Variants in CCBE1 observed in about 807,000 individuals in gnomAD.
CCBE1 encodes the protein collagen and calcium-binding EGF domain-containing protein 1.
CCBE1 carries 37 observed loss-of-function variants against 50.0 expected under a neutral mutation model. The observed-to-expected ratio is 0.74, with a 90% CI of 0.57 to 0.97. The LOEUF (loss-of-function observed/expected upper bound fraction) is 0.97, where lower values mean the gene tolerates loss of function less well. Ranked by LOEUF, CCBE1 falls within the 50% of genes least tolerant of loss-of-function variation. The pLI, the probability that CCBE1 is intolerant of heterozygous loss-of-function variation, is 0.00. For missense variants in CCBE1, 538 were observed against 523.8 expected, an observed-to-expected ratio of 1.03 and a Z score of -0.26; for synonymous variants, 234 against 203.7, an observed-to-expected ratio of 1.15 and a Z score of -1.27.
intron 2 of CCBE1, among the ~76,000 whole-genome samples, chr18:59,635,462 T>TA (rs1568245608): frequency 7.1e-6 from 1 of 141,146 alleles, no homozygotes; most frequent in East Asian, 2.2e-4. Context: ...AGAAATTTTT[T>TA]AAAAATAAAC....
intron 2 of CCBE1, among the ~76,000 whole-genome samples, chr18:59,696,054 C>T (rs951942841): frequency 6.6e-6 from 1 of 152,184 alleles, no homozygotes; most frequent in African/African-American, 2.4e-5. Flanking sequence ...AACAAGCACC[C>T]GGGTCACTCA....
chr18:59,536,725 G>A (rs985182126), intron 2 of CCBE1, among the ~76,000 whole-genome samples: 2 of 152,128 alleles, frequency 1.3e-5, no homozygotes, highest in African/African-American at 4.8e-5. Context: ...CGCAATGGCT[G>A]ACATCTGTAA....
At position 59,440,187 on chromosome 18, in the gene CCBE1, T is replaced by C. The variant is rs138739155; in HGVS notation, c.776-371A>G. 3.3e-3 allele frequency among the ~76,000 whole-genome samples: 506 copies of C among 152,314 alleles called. 1 individual carries two copies. Among genetic ancestry groups the C allele is most frequent in the African/African-American group, 0.012 (484 of 41,570 alleles). On this transcript the variant is annotated intron_variant, in intron 7 of 10. Coordinates refer to ENST00000439986, the MANE Select transcript of CCBE1 (RefSeq NM_133459.4). ...TATCCACTGGATCACAGCAGAGTAG[T>C]GGCCACCACCACAGAGAAGTGGTGA...
intron 5 of CCBE1, among the ~76,000 whole-genome samples, chr18:59,463,185 C>A (rs1034144055): frequency 6.6e-6 from 1 of 152,200 alleles, no homozygotes; most frequent in African/African-American, 2.4e-5. Context: ...CCTTTCCCAC[C>A]CTAGCCTGCC....
intron 7 of CCBE1, among the ~76,000 whole-genome samples, chr18:59,440,661 C>T (rs1359963793): frequency 1.3e-5 from 2 of 152,244 alleles, no homozygotes; most frequent in East Asian, 3.9e-4. Flanking sequence ...TCCCTTACTT[C>T]TTAGTGAGGG....
intron 2 of CCBE1, among the ~76,000 whole-genome samples, chr18:59,529,693 C>T (rs1005098167): frequency 3.3e-5 from 5 of 152,058 alleles, no homozygotes; most frequent in Admixed American, 2.6e-4. Context: ...CCTAGTCAGT[C>T]CCAGTGAGAG....
At chr18:59,492,989 C>T (rs1044353067) in intron 2 of CCBE1, among the ~76,000 whole-genome samples, 4 of 152,344 alleles carry the variant, frequency 2.6e-5, no homozygotes, top group Non-Finnish European at 5.9e-5. Context: ...ACACTGTGGG[C>T]AGTTCCAGTG....
At chr18:59,682,877 A>G (rs1394854154) in intron 2 of CCBE1, among the ~76,000 whole-genome samples, 1 of 152,232 alleles carries the variant, frequency 6.6e-6, no homozygotes, top group Non-Finnish European at 1.5e-5. Flanking sequence ...AACAAGGTAA[A>G]TAAAGTCTTA....
chr18:59,661,461 T>G (rs2054284328), intron 2 of CCBE1, among the ~76,000 whole-genome samples: 1 of 152,218 alleles, frequency 6.6e-6, no homozygotes, highest in African/African-American at 2.4e-5. Context: ...GAACTTTAAC[T>G]TCCATAGTTA....
intron 2 of CCBE1, among the ~76,000 whole-genome samples, chr18:59,554,229 TC>T (rs1233778672): frequency 1.3e-5 from 2 of 152,164 alleles, no homozygotes; most frequent in African/African-American, 2.4e-5. Context: ...TCCTCTCACC[TC>T]AGCTTCCCAA....
At chr18:59,680,896 C>A (rs1282099454) in intron 2 of CCBE1, among the ~76,000 whole-genome samples, 2 of 151,974 alleles carry the variant, frequency 1.3e-5, no homozygotes, top group Non-Finnish European at 2.9e-5. Flanking sequence ...TTCAAACCAG[C>A]GGCCTGTTGA....
intron 2 of CCBE1, among the ~76,000 whole-genome samples, chr18:59,617,270 C>T (rs2053649371): frequency 6.6e-6 from 1 of 152,228 alleles, no homozygotes; most frequent in African/African-American, 2.4e-5. Flanking sequence ...CCCATTATTA[C>T]CTGCAAGCTT....
At chr18:59,558,150 G>C (rs543499847) in intron 2 of CCBE1, among the ~76,000 whole-genome samples, 2 of 152,308 alleles carry the variant, frequency 1.3e-5, no homozygotes, top group East Asian at 3.9e-4. Context: ...CTGAAGTAAA[G>C]CAAGATCACT....
chr18:59,586,602 G>A (rs911892962), intron 2 of CCBE1, among the ~76,000 whole-genome samples: 3 of 152,158 alleles, frequency 2.0e-5, no homozygotes, highest in African/African-American at 7.2e-5. Flanking sequence ...CGGCCAAGGA[G>A]GAAAGAACAT....
At chr18:59,592,062 A>T (rs1399610109) in intron 2 of CCBE1, among the ~76,000 whole-genome samples, 1 of 152,136 alleles carries the variant, frequency 6.6e-6, no homozygotes, top group African/African-American at 2.4e-5. Flanking sequence ...CAAAATTACC[A>T]ACAACATTAT....
intron 2 of CCBE1, among the ~76,000 whole-genome samples, chr18:59,678,586 G>A (rs535162587): frequency 3.3e-5 from 5 of 152,280 alleles, no homozygotes; most frequent in African/African-American, 1.2e-4. Flanking sequence ...AGGCTGGAGT[G>A]CAGTGGTGTG....
At chr18:59,566,900 T>C (rs1038785017) in intron 2 of CCBE1, among the ~76,000 whole-genome samples, 4 of 152,018 alleles carry the variant, frequency 2.6e-5, no homozygotes, top group African/African-American at 9.7e-5. Flanking sequence ...AGAACGATGA[T>C]GAAAGTCGGG....
chr18:59,691,041 T>C (rs1295551126), intron 2 of CCBE1, among the ~76,000 whole-genome samples: 1 of 152,254 alleles, frequency 6.6e-6, no homozygotes, highest in East Asian at 1.9e-4. Context: ...AGTTAATCTC[T>C]GGTTTTTAGA....
At chr18:59,691,885 T>TTC (rs1311920677) in intron 2 of CCBE1, among the ~76,000 whole-genome samples, 4 of 152,192 alleles carry the variant, frequency 2.6e-5, no homozygotes, top group African/African-American at 9.7e-5. Flanking sequence ...CTAGTCTTCC[T>TTC]TCTGCCAGTA....
Sources: allele counts gnomAD v4.1 joint callset (sites outside exome capture counted in the v4.1 genomes callset), GRCh38; gene constraint gnomAD v4.1.1; transcripts MANE v1.5; gene names NCBI Gene and HGNC (gene_info 2026-07-23, HGNC 2026-07-21).